KIAA1217: variants seen among roughly 807,000 people sequenced by gnomAD.
KIAA1217 encodes the protein sickle tail protein homolog.
KIAA1217 carries 88 observed loss-of-function variants against 163.9 expected under a neutral mutation model. The ratio of observed to expected loss-of-function variants is 0.54; its 90% CI spans 0.45 to 0.64. The LOEUF (loss-of-function observed/expected upper bound fraction) is 0.64, where lower values mean the gene tolerates loss of function less well. KIAA1217 is among the 30% of genes least tolerant of loss of function. The pLI is 0.00. For synonymous variants in KIAA1217, 903 were observed against 923.1 expected (o/e 0.98, Z 0.39); for missense variants, 2,372 against 2,475.0 (o/e 0.96, Z 0.88).
At chr10:24,092,924 TGTGTTG>T (rs1048758444) in intron 2 of KIAA1217, among the ~76,000 whole-genome samples, 40 of 132,300 alleles carry the variant, frequency 3.0e-4, no homozygotes, top group African/African-American at 1.5e-3. Context: ...TGTGTGTGTG[TGTGTTG>T]TGTGTGTGTG....
At chr10:23,839,465 A>G (rs1838664052) in intron 1 of KIAA1217, among the ~76,000 whole-genome samples, 1 of 152,108 alleles carries the variant, frequency 6.6e-6, no homozygotes, top group Non-Finnish European at 1.5e-5. Context: ...GGCAAGCGAA[A>G]TCTCCTTAGT....
At chr10:23,983,248 G>A (rs1379409008) in intron 1 of KIAA1217, among the ~76,000 whole-genome samples, 2 of 152,160 alleles carry the variant, frequency 1.3e-5, no homozygotes, top group Non-Finnish European at 2.9e-5. Context: ...TCTCATAGCA[G>A]AGGAAGTAAA....
intron 1 of KIAA1217, among the ~76,000 whole-genome samples, chr10:23,817,784 G>A (rs1391474986): frequency 6.6e-6 from 1 of 151,304 alleles, no homozygotes; most frequent in Non-Finnish European, 1.5e-5. Flanking sequence ...TGACAGTAAT[G>A]CAGTTTTTGT....
chr10:24,370,786 C>T (rs1046865086), intron 2 of KIAA1217, among the ~76,000 whole-genome samples: 5 of 152,180 alleles, frequency 3.3e-5, no homozygotes, highest in South Asian at 2.1e-4. Flanking sequence ...GGGACGTTGC[C>T]GAGGTTGGTC....
At chr10:23,808,064 C>T (rs1311034093) in intron 1 of KIAA1217, among the ~76,000 whole-genome samples, 1 of 152,216 alleles carries the variant, frequency 6.6e-6, no homozygotes, top group Non-Finnish European at 1.5e-5. Flanking sequence ...GAAGTTAGAA[C>T]TCCAGGCTAT....
chr10:24,087,390 G>A (rs2061735191), intron 2 of KIAA1217, among the ~76,000 whole-genome samples: 1 of 152,120 alleles, frequency 6.6e-6, no homozygotes, highest in Non-Finnish European at 1.5e-5. Context: ...GCAACCATAT[G>A]TACGGTGTCA....
At chr10:24,437,906 C>CAAAAAAAAAAAAAAA (rs58645832) in intron 4 of KIAA1217, among the ~76,000 whole-genome samples, 4 of 63,690 alleles carry the variant, frequency 6.3e-5, no homozygotes, top group African/African-American at 6.7e-5. Context: ...TGTTTGAAGG[C>CAAAAAAAAAAAAAAA]AAAAAAAAAA....
At chr10:24,211,532 G>GTTGTATTGTATTGTATTGTATTGTA (rs371671093) in intron 1 of KIAA1217, among the ~76,000 whole-genome samples, 9 of 79,062 alleles carry the variant, frequency 1.1e-4, no homozygotes, top group Non-Finnish European at 1.7e-4. Context: ...ACCATGCATG[G>GTTGTATTGTATTGTATTGTATTGTA]TTGTATTGTA....
At chr10:23,890,355 A>G (rs1457356509) in intron 1 of KIAA1217, among the ~76,000 whole-genome samples, 1 of 151,630 alleles carries the variant, frequency 6.6e-6, no homozygotes, top group Admixed American at 6.6e-5. Context: ...TAATTTTGTC[A>G]TTTAAAGTTA....
rs140624987 is a variant in KIAA1217 at position 23,907,066 on chromosome 10, T to C, written c.-320-100159T>C. Among the ~76,000 whole-genome samples, 738 of 152,208 alleles carry C rather than the reference T, an allele frequency of 4.8e-3. 8 individuals carry two copies. The highest frequency in any genetic ancestry group is 0.016 in the African/African-American group (658 of 41,552). On this transcript the variant is annotated intron_variant, in intron 1 of 18. Coordinates refer to the KIAA1217 transcript ENST00000376462. ...GCGTACAGTCATTTATGGATTTCTA[T>C]ATATAAATAATTGACATGAAAACTG...
At chr10:23,816,713 T>C (rs1023457997) in intron 1 of KIAA1217, among the ~76,000 whole-genome samples, 1 of 152,172 alleles carries the variant, frequency 6.6e-6, no homozygotes, top group Non-Finnish European at 1.5e-5. Context: ...TAGGGAGCTC[T>C]AGAATACACT....
intron 1 of KIAA1217, among the ~76,000 whole-genome samples, chr10:23,809,997 T>G (rs1318586727): frequency 1.3e-5 from 2 of 152,000 alleles, no homozygotes; most frequent in African/African-American, 4.8e-5. Context: ...ACATGAGATA[T>G]TCAACACTTT....
intron 2 of KIAA1217, among the ~76,000 whole-genome samples, chr10:24,333,158 G>A (rs1436612389): frequency 6.6e-6 from 1 of 151,930 alleles, no homozygotes; most frequent in African/African-American, 2.4e-5. Flanking sequence ...CCTAGTAGCT[G>A]GGATTACAAA....
intron 3 of KIAA1217, among the ~76,000 whole-genome samples, chr10:24,408,824 C>G (rs967356746): frequency 7.2e-5 from 11 of 152,182 alleles, no homozygotes; most frequent in Non-Finnish European, 1.0e-4. Context: ...TTATCTCTAA[C>G]CTGCCTTATT....
intron 2 of KIAA1217, among the ~76,000 whole-genome samples, chr10:24,232,600 A>G (rs527978052): frequency 6.6e-6 from 1 of 152,152 alleles, no homozygotes; most frequent in East Asian, 1.9e-4. Context: ...ATTAGATGGA[A>G]ATTTTCAGTG....
At chr10:24,157,598 T>C (rs2064937343) in intron 2 of KIAA1217, among the ~76,000 whole-genome samples, 1 of 152,196 alleles carries the variant, frequency 6.6e-6, no homozygotes. Flanking sequence ...TGTTTTCTTC[T>C]AGTATACCTG....
At chr10:23,951,372 G>T (rs956956039) in intron 1 of KIAA1217, among the ~76,000 whole-genome samples, 1 of 152,180 alleles carries the variant, frequency 6.6e-6, no homozygotes, top group African/African-American at 2.4e-5. Flanking sequence ...TTGGCCCAAG[G>T]TTCCAGCTCA....
chr10:23,813,251 C>A (rs1279271972), intron 1 of KIAA1217, among the ~76,000 whole-genome samples: 2 of 152,068 alleles, frequency 1.3e-5, no homozygotes, highest in African/African-American at 2.4e-5. Context: ...CTATCAGCTT[C>A]TTTGCCCTTA....
At chr10:24,436,790 A>C (rs1307769308) in intron 4 of KIAA1217, among the ~76,000 whole-genome samples, 2 of 151,666 alleles carry the variant, frequency 1.3e-5, no homozygotes, top group Non-Finnish European at 2.9e-5. Flanking sequence ...AAAAAGACAA[A>C]AGAAAAGTAT....
Sources: gnomAD v4.1 joint callset for allele counts (sites outside exome capture counted in the v4.1 genomes callset) on GRCh38, gnomAD v4.1.1 for gene constraint, MANE v1.5 for transcripts, NCBI Gene and HGNC (gene_info 2026-07-23, HGNC 2026-07-21) for gene names.